Variants in VAV3 observed in about 807,000 individuals in gnomAD.
VAV3 encodes guanine nucleotide exchange factor VAV3.
Under a neutral mutation model 131.2 loss-of-function variants are expected in VAV3, and 94 were observed. The ratio of observed to expected loss-of-function variants is 0.72; its 90% CI spans 0.61 to 0.85. VAV3 has a LOEUF of 0.85. VAV3 is among the 40% of genes least tolerant of loss of function. VAV3 has a pLI of 0.00. For synonymous variants in VAV3, 349 were observed against 342.0 expected, an observed-to-expected ratio of 1.02 and a Z score of -0.22; for missense variants, 939 against 1,002.7, an observed-to-expected ratio of 0.94 and a Z score of 0.86.
intron 6 of VAV3, 64 bp downstream of exon 6, chr1:107,770,572 G>A: frequency 9.7e-7 from 1 of 1,027,644 alleles, no homozygotes; most frequent in Non-Finnish European, 1.5e-6. Flanking sequence ...AAGAAACAGT[G>A]AGTCTAATAT....
intron 2 of VAV3, among the ~76,000 whole-genome samples, chr1:107,796,880 A>G (rs1349668097): frequency 6.6e-6 from 1 of 151,574 alleles, no homozygotes; most frequent in East Asian, 1.9e-4. Context: ...AATGTTTGCC[A>G]TCCATATATC....
At chr1:107,916,784 G>A (rs345307) in intron 1 of VAV3, among the ~76,000 whole-genome samples, 59,367 of 151,958 alleles carry the variant, frequency 0.39, 12,801 homozygotes, top group Middle Eastern at 0.58. Context: ...GTGAGTGAAT[G>A]AATGAATTAA....
chr1:107,698,914 G>A (rs1233046719), intron 17 of VAV3, among the ~76,000 whole-genome samples: 4 of 152,016 alleles, frequency 2.6e-5, no homozygotes, highest in Admixed American at 6.6e-5. Context: ...GAACAGCATG[G>A]GGAAAATGCC....
chr1:107,951,299 G>A (rs147217516), intron 1 of VAV3, among the ~76,000 whole-genome samples: 5 of 152,246 alleles, frequency 3.3e-5, no homozygotes, highest in African/African-American at 1.2e-4. Context: ...TTTTGCACCA[G>A]TCTTATAACA....
rs57499233 is a variant in VAV3 at position 107,676,777 on chromosome 1, T to C, written c.1777+6711A>G. 5.6e-3 allele frequency among the ~76,000 whole-genome samples: 847 copies of C among 152,288 alleles called. 7 individuals are homozygous for C. The highest frequency in any genetic ancestry group is 0.02 in the African/African-American group (814 of 41,566). On this transcript the variant is annotated intron_variant, in intron 19 of 26. Coordinates refer to ENST00000370056, the MANE Select transcript of VAV3 (RefSeq NM_006113.5). ...TGATGTCTGTTTTAGATATTTTGTTTCCTTGTCCTGTGTCCTTCAGTTTGC... is the reference window on the plus strand; with the variant it reads ...TGATGTCTGTTTTAGATATTTTGTTCCCTTGTCCTGTGTCCTTCAGTTTGC...
At chr1:107,796,382 T>G (rs945587785) in intron 2 of VAV3, among the ~76,000 whole-genome samples, 1 of 152,128 alleles carries the variant, frequency 6.6e-6, no homozygotes, top group Admixed American at 6.5e-5. Context: ...TCATTGGTTA[T>G]TTTTTCCTTT....
intron 15 of VAV3, among the ~76,000 whole-genome samples, chr1:107,730,206 A>T (rs1464204364): frequency 6.6e-6 from 1 of 152,228 alleles, no homozygotes; most frequent in African/African-American, 2.4e-5. Flanking sequence ...TCTAAAGTGT[A>T]CCCTGAAGGA....
chr1:107,929,893 G>A (rs550162191), intron 1 of VAV3, among the ~76,000 whole-genome samples: 1 of 152,230 alleles, frequency 6.6e-6, no homozygotes, highest in Admixed American at 6.5e-5. Context: ...CAACAACATG[G>A]ACAGAACTGG....
chr1:107,655,527 A>C (rs1656478028), intron 19 of VAV3, among the ~76,000 whole-genome samples: 1 of 152,162 alleles, frequency 6.6e-6, no homozygotes, highest in African/African-American at 2.4e-5. Flanking sequence ...TACTAGAAGA[A>C]AACCTCACAG....
At chr1:107,595,621 T>G (rs1651314603) in intron 25 of VAV3, among the ~76,000 whole-genome samples, 1 of 152,202 alleles carries the variant, frequency 6.6e-6, no homozygotes. Context: ...GAAAAGGTTT[T>G]CGACTTAGAC....
intron 15 of VAV3, among the ~76,000 whole-genome samples, chr1:107,740,079 AAG>A (rs1327749702): frequency 1.3e-5 from 2 of 152,156 alleles, no homozygotes; most frequent in African/African-American, 4.8e-5. Context: ...CTGAGGTCAG[AAG>A]TTTGAGACCA....
intron 1 of VAV3, among the ~76,000 whole-genome samples, chr1:107,933,919 C>T (rs1267479450): frequency 6.6e-6 from 1 of 151,714 alleles, no homozygotes; most frequent in Non-Finnish European, 1.5e-5. Flanking sequence ...AAGAGGAGTA[C>T]AGAAGTTACA....
At chr1:107,634,588 A>AAAAC (rs1557720584) in intron 20 of VAV3, among the ~76,000 whole-genome samples, 1 of 151,922 alleles carries the variant, frequency 6.6e-6, no homozygotes, top group Non-Finnish European at 1.5e-5. Flanking sequence ...TAAAACACCA[A>AAAAC]AAGCAATGGC....
intron 2 of VAV3, among the ~76,000 whole-genome samples, chr1:107,867,604 G>T (rs1670058528): frequency 6.6e-6 from 1 of 152,156 alleles, no homozygotes; most frequent in South Asian, 2.1e-4. Flanking sequence ...AGCTATCTTT[G>T]TTCAGGGAGG....
chr1:107,754,542 A>T (rs1251135801), intron 12 of VAV3, among the ~76,000 whole-genome samples: 1 of 152,204 alleles, frequency 6.6e-6, no homozygotes, highest in Non-Finnish European at 1.5e-5. Context: ...GCCTGCTCAC[A>T]GGGTCTTCTT....
chr1:107,713,984 T>C (rs1241728624), intron 15 of VAV3, among the ~76,000 whole-genome samples: 1 of 152,150 alleles, frequency 6.6e-6, no homozygotes, highest in East Asian at 1.9e-4. Flanking sequence ...AAATACTAGC[T>C]CTAGACGTAT....
At chr1:107,618,517 G>C (rs562765764) in intron 20 of VAV3, among the ~76,000 whole-genome samples, 2 of 152,170 alleles carry the variant, frequency 1.3e-5, no homozygotes, top group African/African-American at 4.8e-5. Context: ...TATTAGGTTG[G>C]TGCAAAAGTA....
chr1:107,897,679 T>C (rs1460184844), intron 1 of VAV3, among the ~76,000 whole-genome samples: 1 of 152,102 alleles, frequency 6.6e-6, no homozygotes, highest in Non-Finnish European at 1.5e-5. Context: ...GCATAAACCA[T>C]AGACTGCAGT....
rs140593744 is a variant in VAV3 at position 107,740,145 on chromosome 1, G to T, written c.1502+8823C>A. ...CTACTAAAAATACAAAAATTACCTG[G>T]GTGTGGTGTTGCGTGCCTATAATCA... On this transcript the variant is annotated intron_variant, in intron 15 of 26. Coordinates refer to ENST00000370056, the MANE Select transcript of VAV3 (RefSeq NM_006113.5). 5.8e-3 allele frequency among the ~76,000 whole-genome samples: 889 copies of T among 152,222 alleles called. 6 individuals are homozygous for T. Among genetic ancestry groups the T allele is most frequent in the Non-Finnish European group, 0.011 (741 of 68,016 alleles).
Sources: gnomAD v4.1 joint callset for allele counts (sites outside exome capture counted in the v4.1 genomes callset) on GRCh38, gnomAD v4.1.1 for gene constraint, MANE v1.5 for transcripts, NCBI Gene and HGNC (gene_info 2026-07-23, HGNC 2026-07-21) for gene names.